GNAS: variants seen among roughly 807,000 people sequenced by gnomAD.
The protein encoded by GNAS is protein ALEX.
GNAS carries 8 observed loss-of-function variants against 54.5 expected under a neutral mutation model. That is an observed-to-expected ratio of 0.15 (90% CI 0.09 to 0.26). The LOEUF is 0.26. Among genes scored for constraint, GNAS ranks in the 10% least tolerant of loss-of-function variants. The pLI, the probability that GNAS is intolerant of heterozygous loss-of-function variation, is 1.00. For missense variants in GNAS, 170 were observed against 529.8 expected (o/e 0.32, Z 6.67); for synonymous variants, 204 against 191.4 (o/e 1.07, Z -0.54).
At chr20:58,871,658 T>G (rs6123835) in intron 1 of GNAS, among the ~76,000 whole-genome samples, 40,189 of 86,860 alleles carry the variant, frequency 0.46, 7,772 homozygotes, top group East Asian at 0.7. Context: ...CCAAAAAAAT[T>G]AAAAGGGAGA....
chr20:58,892,229 AG>A (rs2089491878), intron 1 of GNAS: 4 of 948,536 alleles, frequency 4.2e-6, no homozygotes, highest in Non-Finnish European at 3.7e-6. Context: ...GGGGAGGGGG[AG>A]GGGGAGCCCA....
In GNAS at chr20:58,843,590, C is replaced by A. The variant is rs557202866; in HGVS notation, c.43+2704C>A. On this transcript the variant is annotated intron_variant, in intron 1 of 12. Coordinates refer to the GNAS transcript ENST00000306090. ...GATAGGCTCCCAAGAAAAAGCAGATCTTATGGTGAACCACATAGGTGAATT... is the reference window on the plus strand; with the variant it reads ...GATAGGCTCCCAAGAAAAAGCAGATATTATGGTGAACCACATAGGTGAATT... Among the ~76,000 whole-genome samples the A allele has an allele frequency of 9.2e-5, 14 of 152,304 alleles. 1 individual carries two copies. In the South Asian group the frequency reaches 2.9e-3, roughly 32 times the overall value.
intron 1 of GNAS, chr20:58,852,922 C>T (rs1181297642): frequency 2.6e-6 from 2 of 778,004 alleles, no homozygotes; most frequent in Middle Eastern, 5.2e-4. Context: ...TCGGCACGCT[C>T]GTCAGATCCA....
intron 1 of GNAS, among the ~76,000 whole-genome samples, chr20:58,852,545 G>C (rs772918845): frequency 1.2e-4 from 18 of 152,210 alleles, no homozygotes; most frequent in African/African-American, 4.3e-4. Flanking sequence ...AGTTTCAGGG[G>C]TATCCTGGGG....
chr20:58,903,307 A>G (rs774839176), intron 3 of GNAS: 4 of 632,440 alleles, frequency 6.3e-6, no homozygotes, highest in African/African-American at 5.4e-5. Context: ...TTGCTAAGGC[A>G]ATTTGCTAAT....
chr20:58,900,010 T>C (rs2090461678), intron 3 of GNAS: 1 of 716,588 alleles, frequency 1.4e-6, no homozygotes, highest in Non-Finnish European at 2.6e-6. Flanking sequence ...CCTATCACAA[T>C]TTGCATGCTG....
intron 1 of GNAS, among the ~76,000 whole-genome samples, chr20:58,886,034 A>T (rs1330570190): frequency 2.6e-5 from 4 of 152,244 alleles, no homozygotes; most frequent in Admixed American, 1.3e-4. Context: ...AAACTGAGTG[A>T]CAGCATTAAG....
At chr20:58,880,482 G>C (rs2088154755) in intron 1 of GNAS, among the ~76,000 whole-genome samples, 1 of 152,118 alleles carries the variant, frequency 6.6e-6, no homozygotes, top group Non-Finnish European at 1.5e-5. Context: ...AGATTTATTA[G>C]TGGCCCCATT....
intron 1 of GNAS, among the ~76,000 whole-genome samples, chr20:58,874,127 T>C (rs2087638063): frequency 2.0e-5 from 3 of 152,200 alleles, no homozygotes; most frequent in Admixed American, 6.5e-5. Context: ...AGTCACAGGA[T>C]AGACCTCCCT....
At chr20:58,891,207 GGGCCGCCTCCCTCCGCC>G (rs2089228672), upstream of GNAS, 1 of 149,202 alleles carries the variant, frequency 6.7e-6, no homozygotes, top group Admixed American at 6.6e-5. Flanking sequence ...GGCTCCCGGG[GGGCCGCCTCCCTCCGCC>G]GGCTCCCGCC....
chr20:58,880,239 A>C (rs2145783879), intron 1 of GNAS, among the ~76,000 whole-genome samples: 1 of 152,292 alleles, frequency 6.6e-6, no homozygotes, highest in South Asian at 2.1e-4. Context: ...ATTTGCAAAT[A>C]GCTCAGCCCA....
chr20:58,883,300 AT>A, intron 1 of GNAS, among the ~76,000 whole-genome samples: 1 of 152,274 alleles, frequency 6.6e-6, no homozygotes, highest in South Asian at 2.1e-4. Flanking sequence ...CATTCTTTCA[AT>A]TTTTTCGGTG....
chr20:58,909,112 A>G lies in GNAS; in HGVS notation c.531-50A>G, dbSNP rs1452719310. On this transcript the variant is annotated intron_variant, in intron 6 of 12. Transcript: ENST00000371085. The surrounding 1 kb of genome is among the most constrained non-coding windows in gnomAD (Gnocchi z 7.3). ...TGTAGAGAGACACAAATAGTTGGCA[A>G]ATTGATGTGAGCGCTGTGAACACCC... 4.0e-6 allele frequency: 6 copies of G among 1,513,040 alleles called. No homozygotes were observed. Among genetic ancestry groups the G allele is most frequent in the Non-Finnish European group, 5.5e-6 (6 of 1,087,828 alleles). The allele number at this position is 1,513,040 out of a possible 1,614,324, so 93.7% of individuals were successfully genotyped here. A position where few individuals can be genotyped will look rare whatever the true frequency, so the allele number is the denominator to read the frequency against.
rs755409439 is a variant in GNAS, at chr20:58,911,127, T to G, written c.*298T>G. On this transcript the variant is annotated 3_prime_UTR_variant, in exon 13 of 13. Transcript: ENST00000371085. ...AATAAAATGAAATAAAAGAAACAAA[T>G]GAAATAAATATTGTGTTGTGCAGCA... 3.1e-5 allele frequency: 17 copies of G among 553,340 alleles called. No homozygotes were observed. Among genetic ancestry groups the G allele is most frequent in the Non-Finnish European group, 5.3e-5 (16 of 299,128 alleles). 34.3% of individuals were successfully genotyped at this position (553,340 alleles called of 1,614,324 possible).
intron 6 of GNAS, among the ~76,000 whole-genome samples, chr20:58,907,413 A>G (rs1206884025): frequency 6.6e-6 from 1 of 152,188 alleles, no homozygotes; most frequent in African/African-American, 2.4e-5. Context: ...AGCGCTAATT[A>G]TAGTAACGCA....
At chr20:58,855,284 C>A in intron 1 of GNAS, 1 of 1,585,088 alleles carries the variant, frequency 6.3e-7, no homozygotes, top group Non-Finnish European at 8.6e-7. Flanking sequence ...ACAAACAACT[C>A]CAGGACGAAA....
In GNAS at chr20:58,871,647, A is replaced by C. The variant is rs113483849; in HGVS notation, c.44-23965A>C. 9.4e-3 allele frequency among the ~76,000 whole-genome samples: 1,331 copies of C among 141,018 alleles called. 29 individuals carry two copies. The highest frequency in any genetic ancestry group is 0.031 in the African/African-American group (1,190 of 37,936). 92.5% of individuals were successfully genotyped at this position (141,018 alleles called of 152,430 possible). A position where few individuals can be genotyped will look rare whatever the true frequency, so the allele number is the denominator to read the frequency against. ...AAAAAAAACAAACAACAAAAAAAAA[A>C]CCAAAAAAATTAAAAGGGAGAGAGA... On this transcript the variant is annotated intron_variant, in intron 1 of 12. Transcript: ENST00000306090.
intron 3 of GNAS, among the ~76,000 whole-genome samples, chr20:58,899,667 ACACACATG>A (rs1366505001): frequency 1.7e-4 from 13 of 75,560 alleles, no homozygotes; most frequent in East Asian, 1.1e-3. Flanking sequence ...ACACACACGC[ACACACATG>A]CACATGCATA....
Position 58,909,084 on chromosome 20 carries a change from C to T in GNAS, c.531-78C>T, listed in dbSNP as rs1387325818. The stretch of plus-strand genomic sequence containing the variant: ...GGACGGTCACTTCCGTTGAGCCTGA[C>T]CTTGTAGAGAGACACAAATAGTTGG... On this transcript the variant is annotated intron_variant, in intron 6 of 12. Coordinates refer to ENST00000371085, the MANE Select transcript of GNAS (RefSeq NM_000516.7). The surrounding 1 kb of genome is among the most constrained non-coding windows in gnomAD (Gnocchi z 7.3). The T allele has an allele frequency of 8.2e-7, 1 of 1,220,250 alleles. No homozygotes were observed. Among genetic ancestry groups the T allele is most frequent in the Non-Finnish European group, 1.2e-6 (1 of 821,234 alleles). 75.6% of individuals were successfully genotyped at this position (1,220,250 alleles called of 1,614,324 possible). A position where few individuals can be genotyped will look rare whatever the true frequency, so the allele number is the denominator to read the frequency against.
Sources: allele counts gnomAD v4.1 joint callset (sites outside exome capture counted in the v4.1 genomes callset), GRCh38; gene constraint gnomAD v4.1.1; non-coding constraint Gnocchi (gnomAD v3.1); transcripts MANE v1.5; gene names NCBI Gene and HGNC (gene_info 2026-07-23, HGNC 2026-07-21).